Variants in TULP4 observed in about 807,000 individuals in gnomAD.
TULP4 encodes tubby-related protein 4.
TULP4 carries 16 observed loss-of-function variants against 129.0 expected under a neutral mutation model. That is an observed-to-expected ratio of 0.12 (90% CI 0.08 to 0.19). The LOEUF is 0.19. Ranked by LOEUF, TULP4 falls within the 10% of genes least tolerant of loss-of-function variation. The pLI, the probability that TULP4 is intolerant of heterozygous loss-of-function variation, is 1.00. For missense variants in TULP4, 1,842 were observed against 2,059.1 expected (o/e 0.89, Z 2.04); for synonymous variants, 998 against 854.0 (o/e 1.17, Z -2.94).
chr6:158,447,049 G>T (rs1194790731), intron 3 of TULP4, among the ~76,000 whole-genome samples: 4 of 152,288 alleles, frequency 2.6e-5, no homozygotes, highest in Non-Finnish European at 5.9e-5. Flanking sequence ...GGGTCAGACA[G>T]AAATCACACA....
At chr6:158,445,661 G>A (rs1291646775) in intron 3 of TULP4, among the ~76,000 whole-genome samples, 1 of 152,180 alleles carries the variant, frequency 6.6e-6, no homozygotes, top group African/African-American at 2.4e-5. Context: ...CTGAGCACCT[G>A]CCATGAACCA....
intron 1 of TULP4, among the ~76,000 whole-genome samples, chr6:158,348,497 G>T (rs1258958707): frequency 1.3e-5 from 2 of 152,112 alleles, no homozygotes; most frequent in African/African-American, 2.4e-5. Context: ...TTAGGGGTAA[G>T]GTTATAGATT....
chr6:158,396,301 G>A (rs1272728022), intron 1 of TULP4, among the ~76,000 whole-genome samples: 1 of 152,098 alleles, frequency 6.6e-6, no homozygotes, highest in African/African-American at 2.4e-5. Context: ...CTCTTTGTCA[G>A]CTTGTCACTT....
At chr6:158,364,302 A>G (rs1455405984) in intron 1 of TULP4, among the ~76,000 whole-genome samples, 1 of 152,216 alleles carries the variant, frequency 6.6e-6, no homozygotes, top group South Asian at 2.1e-4. Context: ...CTAACTTGGG[A>G]GTCAACATGC....
At chr6:158,315,158 A>G (rs770199132) in intron 1 of TULP4, among the ~76,000 whole-genome samples, 26 of 152,246 alleles carry the variant, frequency 1.7e-4, no homozygotes, top group Non-Finnish European at 2.8e-4. Context: ...TTTTTCAAGT[A>G]TAGGTCTTAG....
At chr6:158,469,860 G>A (rs660213) in intron 6 of TULP4, among the ~76,000 whole-genome samples, 63,248 of 151,456 alleles carry the variant, frequency 0.42, 14,497 homozygotes, top group African/African-American at 0.62. Flanking sequence ...GTCATAGAGA[G>A]CTGTTACCAG....
In TULP4 at chr6:158,435,005, G is replaced by A. The variant is rs1778720196; in HGVS notation, c.543+5108G>A. ...AGCAGCCCCCACACGTTTCTCTGCT[G>A]TGGGAGACAACGGGCTCTGCCCAGA... On this transcript the variant is annotated intron_variant, in intron 3 of 13. Coordinates refer to ENST00000367097, the MANE Select transcript of TULP4 (RefSeq NM_020245.5). Among the ~76,000 whole-genome samples the A allele has an allele frequency of 2.6e-5, 4 of 152,360 alleles. No homozygotes were observed. The South Asian group carries it at 8.3e-4, about 32-fold the overall frequency.
chr6:158,324,111 T>G (rs974384079), intron 1 of TULP4, among the ~76,000 whole-genome samples: 8 of 152,158 alleles, frequency 5.3e-5, no homozygotes, highest in Non-Finnish European at 8.8e-5. Flanking sequence ...TAAAATGCAC[T>G]TACTAGAATT....
intron 8 of TULP4, among the ~76,000 whole-genome samples, chr6:158,484,790 A>G (rs1780028176): frequency 6.6e-6 from 1 of 152,212 alleles, no homozygotes; most frequent in South Asian, 2.1e-4. Flanking sequence ...AATCGAATGG[A>G]CCAGTTATTT....
At chr6:158,245,086 C>T (rs1778002279) in intron 1 of TULP4, among the ~76,000 whole-genome samples, 1 of 151,898 alleles carries the variant, frequency 6.6e-6, no homozygotes, top group Admixed American at 6.6e-5. Flanking sequence ...CTCCCAGGTT[C>T]AAGCAATCCT....
chr6:158,383,615 T>C (rs827977), intron 1 of TULP4, among the ~76,000 whole-genome samples: 110,518 of 152,078 alleles, frequency 0.73, 40,850 homozygotes, highest in African/African-American at 0.79. Flanking sequence ...GAGTCCACAG[T>C]GATTGGGAGC....
chr6:158,430,006 A>G (rs1408419064), intron 3 of TULP4, 109 bp downstream of exon 3: 2 of 1,063,624 alleles, frequency 1.9e-6, no homozygotes, highest in African/African-American at 3.2e-5. Context: ...TAAGAATCAC[A>G]ATGGAAAAGA....
At chr6:158,242,507 C>T in intron 1 of TULP4, 1 of 778,950 alleles carries the variant, frequency 1.3e-6, no homozygotes, top group Non-Finnish European at 2.3e-6. Context: ...TGTCTGTCTG[C>T]CGGTTGGTAC....
chr6:158,331,742 T>C (rs7452355), intron 1 of TULP4, among the ~76,000 whole-genome samples: 693 of 11,280 alleles, frequency 0.061, 98 homozygotes, highest in South Asian at 0.087. Context: ...CGTATATATA[T>C]ACGTGTATAT....
rs1476818908 is a variant in TULP4 at position 158,493,145 on chromosome 6, TTC to T, written c.1632-427_1632-426del. ...AGTGAAAGACAGTTAATTCTTTGAGTTCCTTACAAATGGATCGCTGGATCTCA... is the reference window on the plus strand; with the variant it reads ...AGTGAAAGACAGTTAATTCTTTGAGTCTTACAAATGGATCGCTGGATCTCA... On this transcript the variant is annotated intron_variant, in intron 9 of 13. Transcript: ENST00000367097. The surrounding 1 kb of genome is among the most constrained non-coding windows in gnomAD (Gnocchi z 4.4). Among the ~76,000 whole-genome samples the T allele has an allele frequency of 6.6e-6, 1 of 152,190 alleles. No homozygotes were observed. Among genetic ancestry groups the T allele is most frequent in the Non-Finnish European group, 1.5e-5 (1 of 68,044 alleles).
At chr6:158,239,117 C>T (rs1185367126) in intron 1 of TULP4, among the ~76,000 whole-genome samples, 1 of 118,364 alleles carries the variant, frequency 8.4e-6, no homozygotes, top group Non-Finnish European at 2.0e-5. Context: ...CTCCTCACTT[C>T]CCAGTAGGGG....
intron 1 of TULP4, among the ~76,000 whole-genome samples, chr6:158,371,489 A>AT (rs1235057536): frequency 6.6e-6 from 1 of 152,232 alleles, no homozygotes; most frequent in Non-Finnish European, 1.5e-5. Flanking sequence ...TTATTTGATC[A>AT]TTAAATGACG....
In TULP4 at chr6:158,503,664, G is replaced by C. The variant is rs771255165; in HGVS notation, c.4001G>C (p.Gly1334Ala). The change falls in exon 13 of 14, where the codon GGA becomes GCA. Residue 1334 changes from glycine (G) to alanine (A), a missense_variant. Gly to Ala is a moderately conservative substitution (Grantham distance 60). Coordinates refer to ENST00000367097, the MANE Select transcript of TULP4 (RefSeq NM_020245.5). This position sits in a 1 kb window ranked among gnomAD's most constrained non-coding sequence, Gnocchi z 4.3. ...SPVPQRTEKFGKKNRKRLDSR... is the reference protein window; with the variant it reads ...SPVPQRTEKFAKKNRKRLDSR... Reference sequence around the variant, plus strand: ...GTCCCCCAGCGGACAGAAAAATTTGGAAAGAAGAACCGGAAGCGCCTGGAC... The same window carrying C: ...GTCCCCCAGCGGACAGAAAAATTTGCAAAGAAGAACCGGAAGCGCCTGGAC... 8 of 1,613,916 alleles carry C rather than the reference G, an allele frequency of 5.0e-6. No homozygotes were observed. In the Middle Eastern group the frequency reaches 4.9e-4, roughly 99 times the overall value.
chr6:158,347,598 C>G (rs1390316275), intron 1 of TULP4, among the ~76,000 whole-genome samples: 1 of 152,236 alleles, frequency 6.6e-6, no homozygotes, highest in Admixed American at 6.5e-5. Context: ...ATCGCTTGTG[C>G]CTCTGACTTC....
Sources: allele counts gnomAD v4.1 joint callset (sites outside exome capture counted in the v4.1 genomes callset), GRCh38; gene constraint gnomAD v4.1.1; non-coding constraint Gnocchi (gnomAD v3.1); transcripts MANE v1.5; gene names NCBI Gene and HGNC (gene_info 2026-07-23, HGNC 2026-07-21).